The following TCF7L2 variants were observed in gnomAD, a reference collection of about 807,000 sequenced individuals.
TCF7L2 encodes the protein transcription factor 7-like 2.
Under a neutral mutation model 77.9 loss-of-function variants are expected in TCF7L2, and 23 were observed. That is an observed-to-expected ratio of 0.30 (90% CI 0.21 to 0.42). The LOEUF (loss-of-function observed/expected upper bound fraction) is 0.42, where lower values mean the gene tolerates loss of function less well. Ranked by LOEUF, TCF7L2 falls within the 10% of genes least tolerant of loss-of-function variation. The pLI, the probability that TCF7L2 is intolerant of heterozygous loss-of-function variation, is 1.00. For synonymous variants in TCF7L2, 413 were observed against 340.2 expected, an observed-to-expected ratio of 1.21 and a Z score of -2.36; for missense variants, 654 against 793.1, an observed-to-expected ratio of 0.82 and a Z score of 2.11.
chr10:113,161,650 C>G (rs2073178559), intron 13 of TCF7L2: 1 of 1,532,236 alleles, frequency 6.5e-7, no homozygotes, highest in African/African-American at 1.4e-5. Flanking sequence ...TGTAGTGCCT[C>G]CCTCGTCACG....
intron 13 of TCF7L2, among the ~76,000 whole-genome samples, chr10:113,163,618 G>A (rs1186503669): frequency 1.3e-5 from 2 of 152,128 alleles, no homozygotes; most frequent in East Asian, 3.9e-4. Context: ...ATTTATCTTG[G>A]TTTCTGGGAT....
chr10:113,128,268 G>A (rs919436517), intron 5 of TCF7L2, among the ~76,000 whole-genome samples: 10 of 152,020 alleles, frequency 6.6e-5, no homozygotes, highest in Non-Finnish European at 1.5e-4. Flanking sequence ...GAGAGGCCAC[G>A]GAGCAGTATT....
At position 113,058,994 on chromosome 10, in the gene TCF7L2, C is replaced by T. The variant is rs550533103; in HGVS notation, c.552+18868C>T. ...TGTCAGGAGCAAGACCCCAAACCTG[C>T]GAAATCACTAATGCAACCGCCCCCC... On this transcript the variant is annotated intron_variant, in intron 5 of 13. Transcript: ENST00000627217. 3.9e-5 allele frequency among the ~76,000 whole-genome samples: 6 copies of T among 152,220 alleles called. No homozygotes were observed. The East Asian group carries it at 1.2e-3, about 29-fold the overall frequency.
At chr10:113,043,075 G>A (rs528830537) in intron 5 of TCF7L2, among the ~76,000 whole-genome samples, 21 of 152,284 alleles carry the variant, frequency 1.4e-4, no homozygotes, top group Non-Finnish European at 2.2e-4. Context: ...TAATTTCCCC[G>A]AAATTTGGAA....
intron 8 of TCF7L2, among the ~76,000 whole-genome samples, chr10:113,149,428 G>A (rs181177610): frequency 2.6e-4 from 40 of 152,320 alleles, no homozygotes; most frequent in South Asian, 4.1e-4. Context: ...GAAAGGCCAC[G>A]TCAGCGTGGG....
intron 4 of TCF7L2, among the ~76,000 whole-genome samples, chr10:113,018,701 C>T (rs529188783): frequency 7.2e-5 from 11 of 152,212 alleles, no homozygotes; most frequent in South Asian, 4.2e-4. Flanking sequence ...CTCCTGACCT[C>T]GAGTGATCCG....
chr10:113,063,339 G>A (rs925885626), intron 5 of TCF7L2, among the ~76,000 whole-genome samples: 4 of 152,078 alleles, frequency 2.6e-5, no homozygotes, highest in African/African-American at 9.7e-5. Context: ...GGGCTTCGGG[G>A]GCCACCCAAC....
At chr10:112,994,047 T>G (rs2043048991) in intron 4 of TCF7L2, among the ~76,000 whole-genome samples, 2 of 144,660 alleles carry the variant, frequency 1.4e-5, no homozygotes, top group African/African-American at 5.3e-5. Context: ...AGAGCGAGAC[T>G]CTGTCTCAAA....
chr10:113,046,921 A>C (rs1479432503), intron 5 of TCF7L2, among the ~76,000 whole-genome samples: 5 of 152,208 alleles, frequency 3.3e-5, no homozygotes. Context: ...CATAGTGCTC[A>C]GTATTTCCAA....
chr10:113,162,867 G>C (rs2073392128), intron 13 of TCF7L2, among the ~76,000 whole-genome samples: 1 of 152,068 alleles, frequency 6.6e-6, no homozygotes, highest in Non-Finnish European at 1.5e-5. Flanking sequence ...TTTCTAAGAG[G>C]CCACTCCTCT....
chr10:112,955,101 C>A (rs78212741), intron 3 of TCF7L2, among the ~76,000 whole-genome samples: 1 of 152,040 alleles, frequency 6.6e-6, no homozygotes. Flanking sequence ...CTCCCACCCC[C>A]CCACCTCACC....
chr10:113,117,434 C>T (rs7093429), intron 5 of TCF7L2, among the ~76,000 whole-genome samples: 8,937 of 39,338 alleles, frequency 0.23, 2,308 homozygotes, highest in East Asian at 0.52. Context: ...TCTCTCTCTC[C>T]CTCTCTCTCT....
chr10:113,065,615 G>T (rs2057144963), intron 5 of TCF7L2, among the ~76,000 whole-genome samples: 1 of 152,188 alleles, frequency 6.6e-6, no homozygotes, highest in Non-Finnish European at 1.5e-5. Flanking sequence ...AAGGGGTAGG[G>T]TCATGTAGCC....
chr10:113,058,372 T>C (rs1016113658), intron 5 of TCF7L2, among the ~76,000 whole-genome samples: 7 of 152,156 alleles, frequency 4.6e-5, no homozygotes, highest in Non-Finnish European at 4.4e-5. Flanking sequence ...TCCTCAATTC[T>C]AAACAAAGAG....
At chr10:113,059,176 G>T (rs952846135) in intron 5 of TCF7L2, among the ~76,000 whole-genome samples, 12 of 152,150 alleles carry the variant, frequency 7.9e-5, no homozygotes, top group Admixed American at 2.6e-4. Context: ...TGAAGTTTGG[G>T]TTTTTTCGGA....
rs2137647459 is a variant in TCF7L2, at chr10:113,165,604, A to G, written c.1441A>G (p.Ser481Gly). 1 of 1,613,918 alleles carries G rather than the reference A, an allele frequency of 6.2e-7. No homozygotes were observed. Among genetic ancestry groups the G allele is most frequent in the Non-Finnish European group, 8.5e-7 (1 of 1,179,928 alleles). Residue 481 changes from serine (S) to glycine (G), a missense_variant, in exon 14 of 14, where the codon AGC becomes GGC. Physicochemically the swap from Ser to Gly is moderately conservative, Grantham distance 56. This residue lies in a region of TCF7L2 where 272 missense variants were observed against 215.4 expected (regional missense o/e 1.26). Coordinates refer to ENST00000627217, the MANE Select transcript of TCF7L2 (RefSeq NM_001146274.2). Reference sequence around the variant, plus strand: ...CATACAAGGTGAAGGCAGCTGCCTCAGCCCACCCTCTTCAGATGGAAGCTT... The same window carrying G: ...CATACAAGGTGAAGGCAGCTGCCTCGGCCCACCCTCTTCAGATGGAAGCTT...
At chr10:113,129,599 A>G (rs1219371182) in intron 5 of TCF7L2, 6 of 1,115,988 alleles carry the variant, frequency 5.4e-6, no homozygotes, top group Non-Finnish European at 6.6e-6. Flanking sequence ...GTACAGGGGG[A>G]AGGATTAACA....
At chr10:113,143,881 T>G (rs1334137661) in intron 6 of TCF7L2, 42 bp from the exon 7 acceptor site, 2 of 1,522,368 alleles carry the variant, frequency 1.3e-6, no homozygotes, top group South Asian at 1.1e-5. Flanking sequence ...GCTCTTTCCT[T>G]CTCTCCCTCC....
At chr10:113,163,330 A>G (rs1322055047) in intron 13 of TCF7L2, among the ~76,000 whole-genome samples, 1 of 152,158 alleles carries the variant, frequency 6.6e-6, no homozygotes, top group Non-Finnish European at 1.5e-5. Context: ...TTTTGAGCCC[A>G]CCAAGTTGCT....
Sources: allele counts gnomAD v4.1 joint callset (sites outside exome capture counted in the v4.1 genomes callset), GRCh38; gene constraint gnomAD v4.1.1; regional missense constraint gnomAD v4.1.1; transcripts MANE v1.5; gene names NCBI Gene and HGNC (gene_info 2026-07-23, HGNC 2026-07-21).